The following NCKAP5 variants were observed in gnomAD, a reference collection of about 807,000 sequenced individuals.
NCKAP5 encodes the protein nck-associated protein 5.
Under a neutral mutation model 167.0 loss-of-function variants are expected in NCKAP5, and 92 were observed. The ratio of observed to expected loss-of-function variants is 0.55; its 90% CI spans 0.47 to 0.66. NCKAP5 has a LOEUF of 0.66. Among genes scored for constraint, NCKAP5 ranks in the 30% least tolerant of loss-of-function variants. The pLI is 0.00. For synonymous variants in NCKAP5, 891 were observed against 877.4 expected, an observed-to-expected ratio of 1.02 and a Z score of -0.27; for missense variants, 2,378 against 2,315.0, an observed-to-expected ratio of 1.03 and a Z score of -0.56.
chr2:132,716,055 A>G (rs1034065202), intron 19 of NCKAP5, among the ~76,000 whole-genome samples: 3 of 152,174 alleles, frequency 2.0e-5, no homozygotes, highest in Non-Finnish European at 4.4e-5. Context: ...TGCACAGCAG[A>G]TTAGTATCCC....
the NCKAP5 span, among the ~76,000 whole-genome samples, chr2:133,602,453 G>A: frequency 1.3e-5 from 2 of 152,282 alleles, no homozygotes; most frequent in South Asian, 4.1e-4. Context: ...GCAAGACTAA[G>A]GTGCTGGTCC....
At chr2:133,066,942 T>G (rs939420404) in intron 6 of NCKAP5, among the ~76,000 whole-genome samples, 1 of 152,268 alleles carries the variant, frequency 6.6e-6, no homozygotes, top group Non-Finnish European at 1.5e-5. Flanking sequence ...GGTTAGCAGT[T>G]ATAACATTCA....
intron 5 of NCKAP5, among the ~76,000 whole-genome samples, chr2:133,189,999 T>C (rs1270613327): frequency 1.3e-5 from 2 of 152,192 alleles, no homozygotes; most frequent in African/African-American, 2.4e-5. Context: ...TGTTTGCAGA[T>C]GACATGATTG....
the NCKAP5 span, among the ~76,000 whole-genome samples, chr2:133,588,069 CCATGT>C: frequency 6.6e-6 from 1 of 152,002 alleles, no homozygotes; most frequent in South Asian, 2.1e-4. Context: ...AGAGTTGATG[CCATGT>C]CATAAGTGTG....
chr2:133,368,521 C>A (rs1685594331), intron 3 of NCKAP5, among the ~76,000 whole-genome samples: 1 of 152,140 alleles, frequency 6.6e-6, no homozygotes, highest in Non-Finnish European at 1.5e-5. Flanking sequence ...TAGCGGTTCA[C>A]ATGTAATTTA....
intron 6 of NCKAP5, among the ~76,000 whole-genome samples, chr2:133,059,247 C>A (rs1204295761): frequency 6.6e-6 from 1 of 152,078 alleles, no homozygotes; most frequent in Non-Finnish European, 1.5e-5. Context: ...TTGCAGTGAG[C>A]CGAGATCGCG....
rs189590638 is a variant in NCKAP5, at chr2:133,074,824, G to T, written c.341+55154C>A. On this transcript the variant is annotated intron_variant, in intron 6 of 19. Transcript: ENST00000409261. The stretch of plus-strand genomic sequence containing the variant: ...ACAATAGACAGCAAAAAAGAATATG[G>T]TCTCAGAGACCTATGGGACACTACC... Among the ~76,000 whole-genome samples the T allele has an allele frequency of 5.5e-4, 84 of 152,174 alleles. 1 individual carries two copies. The highest frequency in any genetic ancestry group is 2.0e-3 in the African/African-American group (81 of 41,518).
At chr2:132,962,808 G>T (rs2076556715) in intron 8 of NCKAP5, among the ~76,000 whole-genome samples, 1 of 152,108 alleles carries the variant, frequency 6.6e-6, no homozygotes, top group African/African-American at 2.4e-5. Flanking sequence ...AGCCAGGATG[G>T]TCTCCATCTC....
At chr2:132,955,730 C>T (rs761773057) in intron 8 of NCKAP5, among the ~76,000 whole-genome samples, 1 of 152,178 alleles carries the variant, frequency 6.6e-6, no homozygotes, top group Non-Finnish European at 1.5e-5. Context: ...GAGGAATCGC[C>T]ACACTGTCTT....
At chr2:133,196,004 C>A (rs1201691967) in intron 5 of NCKAP5, among the ~76,000 whole-genome samples, 1 of 152,136 alleles carries the variant, frequency 6.6e-6, no homozygotes, top group African/African-American at 2.4e-5. Flanking sequence ...AAAGAGGAGA[C>A]CCATGGCTTC....
rs114708331 is a variant in NCKAP5 at position 133,150,294 on chromosome 2, C to T, written c.208-20183G>A. 6.3e-3 allele frequency among the ~76,000 whole-genome samples: 960 copies of T among 152,260 alleles called. 7 individuals carry two copies. Among genetic ancestry groups the T allele is most frequent in the South Asian group, 0.02 (94 of 4,816 alleles). ...TATCCATACTATAGCGGATACCTGC[C>T]TGTCAGTCACTAAGTTGTTGTCTGG... On this transcript the variant is annotated intron_variant, in intron 5 of 19. Transcript: ENST00000409261.
intron 5 of NCKAP5, among the ~76,000 whole-genome samples, chr2:133,147,530 G>A (rs568064862): frequency 1.4e-4 from 22 of 152,200 alleles, no homozygotes; most frequent in African/African-American, 5.1e-4. Flanking sequence ...CACTGATAGT[G>A]TTCAAGAGAC....
At chr2:133,450,038 T>C (rs1438110167) in intron 3 of NCKAP5, among the ~76,000 whole-genome samples, 1 of 152,170 alleles carries the variant, frequency 6.6e-6, no homozygotes, top group Non-Finnish European at 1.5e-5. Context: ...AGCAAAGATG[T>C]ACCTACCAGA....
rs1574714599 is a variant in NCKAP5, at chr2:133,329,310, GGAGGA to G, written c.70-26205_70-26201del. Among the ~76,000 whole-genome samples the G allele has an allele frequency of 9.2e-5, 14 of 152,244 alleles. No individual in the cohort carries two copies. In the South Asian group the frequency reaches 2.9e-3, roughly 32 times the overall value. On this transcript the variant is annotated intron_variant, in intron 3 of 19. Transcript: ENST00000409261. The stretch of plus-strand genomic sequence containing the variant: ...GACAGCCACGTGGACAGGGAGCAAG[GGAGGA>G]GGGGCTGGGGAAAGCACCTAAAAGA...
intron 2 of NCKAP5, among the ~76,000 whole-genome samples, chr2:133,548,704 G>A (rs1159808917): frequency 1.3e-5 from 2 of 151,942 alleles, no homozygotes; most frequent in African/African-American, 2.4e-5. Flanking sequence ...CACTAGGCCT[G>A]CCCTAAAAGA....
intron 2 of NCKAP5, among the ~76,000 whole-genome samples, chr2:133,546,698 CA>C (rs951069412): frequency 4.6e-5 from 7 of 151,652 alleles, no homozygotes; most frequent in Non-Finnish European, 1.0e-4. Context: ...AAAACAACAA[CA>C]AAAAAAACAC....
chr2:132,878,554 A>G (rs985509482), intron 9 of NCKAP5, among the ~76,000 whole-genome samples: 1 of 152,038 alleles, frequency 6.6e-6, no homozygotes, highest in Admixed American at 6.6e-5. Flanking sequence ...AATATGAAAC[A>G]ACAACCAAAA....
At chr2:133,612,640 G>A in the NCKAP5 span, among the ~76,000 whole-genome samples, 2 of 152,220 alleles carry the variant, frequency 1.3e-5, no homozygotes, top group South Asian at 2.1e-4. Flanking sequence ...CTTTCTGGGG[G>A]CCTCCATTTC....
At chr2:133,137,304 T>C (rs774044451) in intron 5 of NCKAP5, among the ~76,000 whole-genome samples, 3 of 152,110 alleles carry the variant, frequency 2.0e-5, no homozygotes, top group Admixed American at 6.5e-5. Context: ...GATTTTGAGA[T>C]GCAAGGATAG....
Sources: gnomAD v4.1 joint callset for allele counts (sites outside exome capture counted in the v4.1 genomes callset) on GRCh38, gnomAD v4.1.1 for gene constraint, MANE v1.5 for transcripts, NCBI Gene and HGNC (gene_info 2026-07-23, HGNC 2026-07-21) for gene names.